Variants in KIZ observed in about 807,000 individuals in gnomAD.
KIZ encodes centrosomal protein kizuna.
KIZ carries 68 observed loss-of-function variants against 79.6 expected under a neutral mutation model. The ratio of observed to expected loss-of-function variants is 0.85; its 90% CI spans 0.70 to 1.05. The LOEUF (loss-of-function observed/expected upper bound fraction) is 1.05, where lower values mean the gene tolerates loss of function less well. Among genes scored for constraint, KIZ ranks in the 50% least tolerant of loss-of-function variants. The pLI is 0.00. For missense variants in KIZ, 797 were observed against 800.4 expected, an observed-to-expected ratio of 1.00 and a Z score of 0.05; for synonymous variants, 280 against 281.8, an observed-to-expected ratio of 0.99 and a Z score of 0.06.
At chr20:21,151,335 T>G (rs1184635986) in intron 4 of KIZ, 1 of 152,132 alleles carries the variant, frequency 6.6e-6, no homozygotes, top group Non-Finnish European at 1.5e-5. Flanking sequence ...ACTTACCCAT[T>G]GTGGGGACAT....
At chr20:21,126,068 C>A (rs879780327), upstream of KIZ, 1 of 1,409,642 alleles carries the variant, frequency 7.1e-7, no homozygotes, top group Non-Finnish European at 9.3e-7. Flanking sequence ...GCAACCCCGG[C>A]CGAACGGCCA....
At chr20:21,133,048 GCATTACCT>G (rs1268254181) in intron 2 of KIZ, 1 of 152,082 alleles carries the variant, frequency 6.6e-6, no homozygotes, top group Non-Finnish European at 1.5e-5. Context: ...CAAAAGTATG[GCATTACCT>G]CTTATATTAT....
In KIZ at chr20:21,214,598, A is replaced by T. The variant is rs918247211; in HGVS notation, c.1510A>T (p.Ser504Cys). 6.2e-7 allele frequency: 1 copy of T among 1,609,402 alleles called. No homozygotes were observed. The highest frequency in any genetic ancestry group is 8.5e-7 in the Non-Finnish European group (1 of 1,175,836). The change falls in exon 8 of 13, where the codon AGT becomes TGT. Residue 504 changes from serine to cysteine, a missense_variant. Ser to Cys is a moderately radical substitution (Grantham distance 112, BLOSUM62 -1). Coordinates refer to ENST00000619189, the MANE Select transcript of KIZ (RefSeq NM_018474.6). Reference protein sequence around the residue: ...ECGRRSAIHSSESSCSLPSIL... With the variant: ...ECGRRSAIHSCESSCSLPSIL... ...TGGCCGTAGGTCAGCTATTCACAGT[A>T]GTGAATCATCTTGCAGCTTGCCATC... is the stretch of plus-strand genomic sequence containing the variant.
chr20:21,239,726 G>T (rs1292239118), intron 11 of KIZ, among the ~76,000 whole-genome samples: 1 of 152,156 alleles, frequency 6.6e-6, no homozygotes, highest in Non-Finnish European at 1.5e-5. Context: ...TTTCCATAGT[G>T]CACTGTGTCA....
intron 11 of KIZ, among the ~76,000 whole-genome samples, chr20:21,242,065 C>A (rs2037237355): frequency 6.6e-6 from 1 of 152,192 alleles, no homozygotes; most frequent in African/African-American, 2.4e-5. Context: ...ACTCATTAAG[C>A]ACCTGTTAAG....
At chr20:21,155,248 C>T (rs1162699306) in intron 4 of KIZ, among the ~76,000 whole-genome samples, 1 of 151,994 alleles carries the variant, frequency 6.6e-6, no homozygotes, top group African/African-American at 2.4e-5. Context: ...TTCATAGTAG[C>T]CAAAAAGTGG....
intron 7 of KIZ, among the ~76,000 whole-genome samples, chr20:21,207,053 A>G (rs1212284612): frequency 6.6e-6 from 1 of 152,194 alleles, no homozygotes; most frequent in Non-Finnish European, 1.5e-5. Context: ...ATGTTTTTTC[A>G]TCTTTATATA....
intron 6 of KIZ, among the ~76,000 whole-genome samples, chr20:21,188,561 G>T (rs1311957683): frequency 1.3e-5 from 2 of 151,264 alleles, no homozygotes; most frequent in Non-Finnish European, 2.9e-5. Flanking sequence ...GGAGGAAAGG[G>T]ATCACCCCTT....
At chr20:21,167,530 T>C (rs1392920498) in intron 6 of KIZ, among the ~76,000 whole-genome samples, 1 of 151,612 alleles carries the variant, frequency 6.6e-6, no homozygotes, top group African/African-American at 2.4e-5. Flanking sequence ...AAGCAGTTTC[T>C]CATGCTAGTG....
At chr20:21,232,607 T>C (rs2036870114) in intron 10 of KIZ, 127 bp from the exon 11 acceptor site, 5 of 603,424 alleles carry the variant, frequency 8.3e-6, no homozygotes, top group Non-Finnish European at 1.5e-5. Flanking sequence ...TTGCCTTCTG[T>C]GGCTTGAACA....
intron 3 of KIZ, among the ~76,000 whole-genome samples, chr20:21,138,019 A>C (rs1485828330): frequency 1.3e-5 from 2 of 152,072 alleles, no homozygotes; most frequent in Non-Finnish European, 2.9e-5. Context: ...AAATTATCCT[A>C]ACTTGGCCTC....
At chr20:21,197,926 TG>T (rs1003324650) in intron 6 of KIZ, 1 of 152,180 alleles carries the variant, frequency 6.6e-6, no homozygotes, top group African/African-American at 2.4e-5. Flanking sequence ...GACTCCTACC[TG>T]GGGGTGGCAG....
chr20:21,166,368 G>A, intron 6 of KIZ: 1 of 1,603,312 alleles, frequency 6.2e-7, no homozygotes, highest in South Asian at 1.1e-5. Flanking sequence ...GTCAAATCTG[G>A]AGCTGATCAC....
chr20:21,152,027 C>T (rs77137625), intron 4 of KIZ, among the ~76,000 whole-genome samples: 1,932 of 152,180 alleles, frequency 0.013, 30 homozygotes, highest in African/African-American at 0.044. Context: ...ATCTGGGCAG[C>T]GTCCAAGGAA....
chr20:21,203,726 C>G (rs943237583), intron 6 of KIZ, among the ~76,000 whole-genome samples: 4 of 152,044 alleles, frequency 2.6e-5, no homozygotes, highest in African/African-American at 9.7e-5. Context: ...TACCAATTTG[C>G]AGAATAATGA....
intron 3 of KIZ, among the ~76,000 whole-genome samples, chr20:21,141,952 T>C (rs978357393): frequency 2.7e-5 from 4 of 150,244 alleles, no homozygotes; most frequent in Admixed American, 6.7e-5. Flanking sequence ...CATTTCTCCC[T>C]CTTATCTCTC....
intron 2 of KIZ, among the ~76,000 whole-genome samples, chr20:21,135,641 G>T (rs1345043688): frequency 6.6e-6 from 1 of 152,128 alleles, no homozygotes; most frequent in African/African-American, 2.4e-5. Flanking sequence ...AATTTATTGA[G>T]CCAACAATTG....
intron 11 of KIZ, among the ~76,000 whole-genome samples, chr20:21,243,667 A>G (rs1423886110): frequency 3.3e-5 from 5 of 152,160 alleles, no homozygotes; most frequent in African/African-American, 1.2e-4. Context: ...TTCTTGTCAT[A>G]TTGGCCTCAG....
chr20:21,145,659 TAA>T lies in KIZ; in HGVS notation c.405+7_405+8del. On this transcript the variant is annotated splice_donor_region_variant and intron_variant, in intron 4 of 12. Coordinates refer to ENST00000619189, the MANE Select transcript of KIZ (RefSeq NM_018474.6). ...ACAGATGAAGACAGAGAAAAGGTAA[TAA>T]ACTAAATTGGTAACCTTTCTGTTAA... is the stretch of plus-strand genomic sequence containing the variant. The T allele has an allele frequency of 1.5e-6, 2 of 1,322,780 alleles. No homozygotes were observed. Among genetic ancestry groups the T allele is most frequent in the South Asian group, 1.4e-5 (1 of 71,340 alleles). 81.9% of individuals were successfully genotyped at this position (1,322,780 alleles called of 1,614,324 possible). A position where few individuals can be genotyped will look rare whatever the true frequency, so the allele number is the denominator to read the frequency against.
Sources: gnomAD v4.1 joint callset for allele counts (sites outside exome capture counted in the v4.1 genomes callset) on GRCh38, gnomAD v4.1.1 for gene constraint, MANE v1.5 for transcripts, NCBI Gene and HGNC (gene_info 2026-07-23, HGNC 2026-07-21) for gene names.